The following TRIM29 variants were observed in gnomAD, a reference collection of about 807,000 sequenced individuals.
TRIM29 encodes tripartite motif containing 29.
Under a neutral mutation model 57.3 loss-of-function variants are expected in TRIM29, and 52 were observed. That is an observed-to-expected ratio of 0.91 (90% CI 0.73 to 1.14). The LOEUF (loss-of-function observed/expected upper bound fraction) is 1.14, where lower values mean the gene tolerates loss of function less well. Among genes scored for constraint, TRIM29 ranks in the 50% most tolerant of loss-of-function variants. The pLI, the probability that TRIM29 is intolerant of heterozygous loss-of-function variation, is 0.00. For missense variants in TRIM29, 753 were observed against 774.6 expected, an observed-to-expected ratio of 0.97 and a Z score of 0.33; for synonymous variants, 319 against 316.9, an observed-to-expected ratio of 1.01 and a Z score of -0.07.
rs567044445 is a variant in TRIM29, at chr11:120,132,621, C to T, written c.805-4126G>A. ...TCAGGTGGAGACACACCTGAGCACCCACCCGGATAGGTGTACCTGCACTGG... is the reference window on the plus strand; with the variant it reads ...TCAGGTGGAGACACACCTGAGCACCTACCCGGATAGGTGTACCTGCACTGG... On this transcript the variant is annotated intron_variant, in intron 1 of 8. Transcript: ENST00000341846. 2.6e-5 allele frequency among the ~76,000 whole-genome samples: 4 copies of T among 152,312 alleles called. No homozygotes were observed. The East Asian group carries it at 7.7e-4, about 29-fold the overall frequency.
Position 120,122,084 on chromosome 11 carries a change from T to G in TRIM29, c.1435+870A>C, listed in dbSNP as rs1309063929. ...TGGGGCGGCACAGGTGCTTTTCTGT[T>G]GAGCTCATCTCTCCAAATCCCCCAA... On this transcript the variant is annotated intron_variant, in intron 5 of 8. Coordinates refer to ENST00000341846, the MANE Select transcript of TRIM29 (RefSeq NM_012101.4). The G allele has an allele frequency of 2.0e-5, 8 of 393,070 alleles. No homozygotes were observed. In the East Asian group the frequency reaches 5.1e-4, roughly 25 times the overall value. 24.3% of individuals were successfully genotyped at this position (393,070 alleles called of 1,614,324 possible). A position where few individuals can be genotyped will look rare whatever the true frequency, so the allele number is the denominator to read the frequency against.
chr11:120,135,480 C>T (rs1863798843), intron 1 of TRIM29, among the ~76,000 whole-genome samples: 1 of 152,138 alleles, frequency 6.6e-6, no homozygotes, highest in Admixed American at 6.5e-5. Context: ...TTTCCTAAAA[C>T]CTTGTCTGAG....
chr11:120,124,558 T>G (rs915885268), intron 4 of TRIM29: 1 of 152,140 alleles, frequency 6.6e-6, no homozygotes, highest in African/African-American at 2.4e-5. Flanking sequence ...GAAAATAAGG[T>G]AATGTGCGTG....
chr11:120,136,789 CAAA>C (rs11310050), intron 1 of TRIM29, among the ~76,000 whole-genome samples: 296 of 140,380 alleles, frequency 2.1e-3, no homozygotes, highest in Non-Finnish European at 2.1e-3. Context: ...TTCTTCAAAG[CAAA>C]AAAAAAAAAA....
chr11:120,122,901 G>C, intron 5 of TRIM29, 53 bp downstream of exon 5: 2 of 1,515,134 alleles, frequency 1.3e-6, no homozygotes, highest in South Asian at 2.3e-5. Context: ...GACTTTGGGG[G>C]CCCCTGGGCA....
intron 1 of TRIM29, among the ~76,000 whole-genome samples, chr11:120,134,309 C>T (rs947420169): frequency 2.0e-5 from 3 of 152,270 alleles, no homozygotes; most frequent in East Asian, 1.9e-4. Flanking sequence ...TGGGTGTCAT[C>T]GTAGCCTCAC....
At chr11:120,118,601 C>A (rs559062703) in intron 6 of TRIM29, among the ~76,000 whole-genome samples, 3 of 152,236 alleles carry the variant, frequency 2.0e-5, no homozygotes, top group South Asian at 2.1e-4. Flanking sequence ...TCGTGAGTTG[C>A]TCCCCCAACC....
At position 120,137,626 on chromosome 11, in the gene TRIM29, G is replaced by A. The variant is rs531272292; in HGVS notation, c.406C>T (p.Arg136Trp). 30 of 1,613,594 alleles carry A rather than the reference G, an allele frequency of 1.9e-5. No homozygotes were observed. Among genetic ancestry groups the A allele is most frequent in the South Asian group, 1.1e-4 (10 of 91,064 alleles). Residue 136 changes from arginine to tryptophan, a missense_variant, in exon 1 of 9, where the codon CGG (arginine) becomes TGG (tryptophan). By Grantham distance (101) the Arg-to-Trp change is moderately radical. Coordinates refer to ENST00000341846, the MANE Select transcript of TRIM29 (RefSeq NM_012101.4). This position sits in a 1 kb window ranked among gnomAD's most constrained non-coding sequence, Gnocchi z 6.2. The stretch of plus-strand genomic sequence containing the variant: ...TCCATGATGGACACCGTGGGCTTCC[G>A]GGACTCCGAGAAAATGGACTTGCGC... ...ELRKSIFSES[R>W]KPTVSIMEPG...
intron 6 of TRIM29, 91 bp from the exon 7 acceptor site, chr11:120,118,412 G>T: frequency 1.0e-6 from 1 of 971,094 alleles, no homozygotes; most frequent in Non-Finnish European, 1.5e-6. Flanking sequence ...TGACTCTCTA[G>T]CCGCTGGCCA....
chr11:120,115,487 AGCT>A lies in TRIM29; in HGVS notation c.1628-76_1628-74del, dbSNP rs1863244649. 3 of 1,314,328 alleles carry A rather than the reference AGCT, an allele frequency of 2.3e-6. No homozygotes were observed. The African/African-American group carries it at 4.4e-5, about 19-fold the overall frequency. 81.4% of individuals were successfully genotyped at this position (1,314,328 alleles called of 1,614,324 possible). Reference sequence around the variant, plus strand: ...GGGGTGCCCGGGCCCAGAGCAGCACAGCTGCCTTCTCCAAAGTGACCACCAAGC... The same window carrying A: ...GGGGTGCCCGGGCCCAGAGCAGCACAGCCTTCTCCAAAGTGACCACCAAGC... On this transcript the variant is annotated intron_variant, in intron 7 of 8. Coordinates refer to ENST00000341846, the MANE Select transcript of TRIM29 (RefSeq NM_012101.4).
Position 120,115,408 on chromosome 11 carries a change from G to A in TRIM29, c.1634C>T (p.Pro545Leu). The A allele has an allele frequency of 6.2e-7, 1 of 1,613,558 alleles. No individual in the cohort carries two copies. Among genetic ancestry groups the A allele is most frequent in the South Asian group, 1.1e-5 (1 of 90,932 alleles). The change falls in exon 8 of 9, where the codon CCC (proline) becomes CTC (leucine). Residue 545 changes from proline to leucine, a missense_variant. Transcript: ENST00000341846. The part of the protein sequence containing the change: ...GSSSFSLKGY[P>L]SLMRSQSPKA... ...GGGGCTTTGGCTCCGCATGAGGGAG[G>A]GATAGCCTGGGAAGACAAGAGATTC...
At chr11:120,136,873 G>A (rs1385657950) in intron 1 of TRIM29, among the ~76,000 whole-genome samples, 1 of 152,132 alleles carries the variant, frequency 6.6e-6, no homozygotes, top group Non-Finnish European at 1.5e-5. Context: ...AAACACCTCA[G>A]CCAGGCACAG....
chr11:120,116,327 G>C (rs1334673297), intron 7 of TRIM29: 2 of 152,358 alleles, frequency 1.3e-5, no homozygotes, highest in Non-Finnish European at 1.5e-5. Flanking sequence ...TCAGCCATCA[G>C]CCTGCAGGGA....
chr11:120,126,032 T>C, intron 3 of TRIM29, 143 bp from the exon 4 acceptor site: 1 of 831,256 alleles, frequency 1.2e-6, no homozygotes, highest in Non-Finnish European at 1.8e-6. Context: ...GTTTCTTCTG[T>C]AACATGAAAA....
intron 4 of TRIM29, chr11:120,123,505 C>T (rs910655303): frequency 1.5e-5 from 7 of 454,472 alleles, no homozygotes; most frequent in South Asian, 3.1e-5. Context: ...TCGCTACTTC[C>T]GGGTTCAGTC....
At chr11:120,119,398 C>T (rs1336109813) in intron 6 of TRIM29, among the ~76,000 whole-genome samples, 2 of 152,172 alleles carry the variant, frequency 1.3e-5, no homozygotes, top group South Asian at 2.1e-4. Flanking sequence ...GGGTTGGCCA[C>T]CTGCCCCTGT....
Position 120,122,950 on chromosome 11 carries a change from T to G in TRIM29, c.1435+4A>C. On this transcript the variant is annotated splice_donor_region_variant and intron_variant, in intron 5 of 8. Coordinates refer to ENST00000341846, the MANE Select transcript of TRIM29 (RefSeq NM_012101.4). ...TAGGTCTGGGGTGAGGGGCTCCCTC[T>G]TACCTTTGGGTGTCAGGTACATGGA... 7.4e-6 allele frequency: 12 copies of G among 1,613,458 alleles called. No homozygotes were observed. Among genetic ancestry groups the G allele is most frequent in the Non-Finnish European group, 9.3e-6 (11 of 1,179,444 alleles).
At chr11:120,116,916 G>T (rs749867644) in intron 7 of TRIM29, 2 of 369,532 alleles carry the variant, frequency 5.4e-6, no homozygotes, top group African/African-American at 2.1e-5. Flanking sequence ...CACCTGCCCC[G>T]CTGTGGGAGA....
At chr11:120,120,283 G>A (rs1250721704) in intron 6 of TRIM29, among the ~76,000 whole-genome samples, 1 of 151,538 alleles carries the variant, frequency 6.6e-6, no homozygotes, top group Non-Finnish European at 1.5e-5. Flanking sequence ...GGGATCTCCA[G>A]GGATGCCGAG....
Sources: allele counts gnomAD v4.1 joint callset (sites outside exome capture counted in the v4.1 genomes callset), GRCh38; gene constraint gnomAD v4.1.1; non-coding constraint Gnocchi (gnomAD v3.1); transcripts MANE v1.5; gene names NCBI Gene and HGNC (gene_info 2026-07-23, HGNC 2026-07-21).